Variants in RNASEL observed in about 807,000 individuals in gnomAD.
RNASEL encodes 2-5A-dependent ribonuclease.
A neutral mutation model predicts 50.9 loss-of-function variants in RNASEL; 36 were observed. That is an observed-to-expected ratio of 0.71 (90% CI 0.54 to 0.93). RNASEL has a LOEUF of 0.93. Among genes scored for constraint, RNASEL ranks in the 40% least tolerant of loss-of-function variants. RNASEL has a pLI of 0.00. For missense variants in RNASEL, 860 were observed against 894.5 expected (o/e 0.96, Z 0.49); for synonymous variants, 335 against 335.6 (o/e 1.00, Z 0.02).
In RNASEL at chr1:182,581,318, G is replaced by A. The variant is rs776652546; in HGVS notation, c.1812C>T (p.Asp604=). The A allele has an allele frequency of 9.9e-6, 16 of 1,613,912 alleles. No individual in the cohort carries two copies. The Admixed American group carries it at 2.5e-4, about 25-fold the overall frequency. ...RTLRNVGNES[D]IKTRKSESEI... ...CACTTTCAGATTTTCGTGTTTTGAT[G>A]TCGGATTCATTTCCCACATTCCGAA... The change falls in exon 5 of 7, where the codon GAC becomes GAT. Residue 604 remains aspartate, a synonymous_variant. Coordinates refer to ENST00000367559, the MANE Select transcript of RNASEL (RefSeq NM_021133.4).
At position 182,585,397 on chromosome 1, in the gene RNASEL, C is replaced by G. The variant is rs1310401690; in HGVS notation, c.1410G>C (p.Lys470Asn). 1 of 1,614,138 alleles carries G rather than the reference C, an allele frequency of 6.2e-7. No individual in the cohort carries two copies. ...FARNVLSSIF[K>N]AVQELHLSCG... ...AGGACAAGTGTAGTTCTTGAACAGC[C>G]TTAAATATAGATGACAGGACATTTC... Residue 470 changes from lysine (K) to asparagine (N), a missense_variant, in exon 2 of 7, where the codon AAG (lysine) becomes AAC (asparagine). Physicochemically the swap from Lys to Asn is moderately conservative, Grantham distance 94. Coordinates refer to ENST00000367559, the MANE Select transcript of RNASEL (RefSeq NM_021133.4).
chr1:182,586,060 C>A lies in RNASEL; in HGVS notation c.747G>T (p.Lys249Asn). ...GKTPLILAVE[K>N]KHLGLVQRLL... ...GCCTCTGCACCAAACCCAAGTGCTTCTTCTCCACTGCCAGGATCAGGGGAG... is the reference window on the plus strand; with the variant it reads ...GCCTCTGCACCAAACCCAAGTGCTTATTCTCCACTGCCAGGATCAGGGGAG... Residue 249 changes from lysine (K) to asparagine (N), a missense_variant, in exon 2 of 7, where the codon AAG becomes AAT. Lys to Asn is a moderately conservative substitution (Grantham distance 94). Transcript: ENST00000367559. 4 of 1,614,090 alleles carry A rather than the reference C, an allele frequency of 2.5e-6. No individual in the cohort carries two copies. Among genetic ancestry groups the A allele is most frequent in the South Asian group, 1.1e-5 (1 of 91,084 alleles).
chr1:182,585,819 G>A lies in RNASEL; in HGVS notation c.988C>T (p.His330Tyr), dbSNP rs2102370757. Residue 330 changes from histidine to tyrosine, a missense_variant, in exon 2 of 7, where the codon CAC (histidine) becomes TAC (tyrosine). His to Tyr is a moderately conservative substitution (Grantham distance 83). Coordinates refer to ENST00000367559, the MANE Select transcript of RNASEL (RefSeq NM_021133.4). The part of the protein sequence containing the change: ...LLSHGAKEDF[H>Y]PPAEDWKPQS... ...GGCTTCCAGTCTTCAGCAGGAGGGT[G>A]AAAATCTTCTTTGGCTCCATGAGAG... is the stretch of plus-strand genomic sequence containing the variant. The A allele has an allele frequency of 6.2e-7, 1 of 1,613,962 alleles. No homozygotes were observed. The highest frequency in any genetic ancestry group is 8.5e-7 in the Non-Finnish European group (1 of 1,179,968).
In RNASEL at chr1:182,586,299, T is replaced by C. The variant is rs748885927; in HGVS notation, c.508A>G (p.Thr170Ala). 1.2e-5 allele frequency: 20 copies of C among 1,614,084 alleles called. No individual in the cohort carries two copies. Among genetic ancestry groups the C allele is most frequent in the Admixed American group, 8.3e-5 (5 of 60,000 alleles). ...DQERLRKGGA[T>A]ALMDAAEKGH... ...TTTTCAGCAGCGTCCATGAGAGCTG[T>C]GGCCCCTCCTTTCCTCAGCCGCTCT... Residue 170 changes from threonine (T) to alanine (A), a missense_variant, in exon 2 of 7, where the codon ACA (threonine) becomes GCA (alanine). Transcript: ENST00000367559.
intron 3 of RNASEL, 52 bp downstream of exon 3, chr1:182,584,029 G>T (rs1661546592): frequency 2.2e-6 from 3 of 1,373,248 alleles, no homozygotes; most frequent in South Asian, 2.3e-5. Flanking sequence ...ACTACTACAT[G>T]AAAGAATAAG....
intron 1 of RNASEL, among the ~76,000 whole-genome samples, chr1:182,587,879 G>C (rs2102373691): frequency 6.6e-6 from 1 of 152,044 alleles, no homozygotes; most frequent in South Asian, 2.1e-4. Flanking sequence ...TGCAGTGGTG[G>C]AAAAGCAATA....
chr1:182,581,246 A>G lies in RNASEL; in HGVS notation c.1884T>C (p.Ser628=). The G allele has an allele frequency of 6.2e-7, 1 of 1,614,050 alleles. No individual in the cohort carries two copies. Among genetic ancestry groups the G allele is most frequent in the Non-Finnish European group, 8.5e-7 (1 of 1,180,006 alleles). ...LQPGPSEHSK[S]FDKWTTKINE... is the part of the protein sequence containing the mutation. ...ATACCTTAGTCGTCCACTTGTCAAA[A>G]CTTTTGGAATGTTCAGAAGGCCCAG... The change falls in exon 5 of 7, where the codon AGT becomes AGC. Residue 628 remains serine (S), a synonymous_variant. Coordinates refer to ENST00000367559, the MANE Select transcript of RNASEL (RefSeq NM_021133.4).
Position 182,578,663 on chromosome 1 carries a change from A to T in RNASEL, c.1906-2274T>A, listed in dbSNP as rs575526849. The T allele has an allele frequency of 2.6e-5, 4 of 152,344 alleles. 1 individual carries two copies. The South Asian group carries it at 8.3e-4, about 32-fold the overall frequency. 9.4% of individuals were successfully genotyped at this position (152,344 alleles called of 1,614,324 possible). ...GAGACAGGGTTTTGCCATGTTGGCC[A>T]GGCTGGTCTTAAACTCCTGACCTCA... On this transcript the variant is annotated intron_variant, in intron 5 of 6. Coordinates refer to ENST00000367559, the MANE Select transcript of RNASEL (RefSeq NM_021133.4).
rs1192636754 is a variant in RNASEL at position 182,575,399 on chromosome 1, C to T, written c.2219G>A (p.Gly740Glu). The T allele has an allele frequency of 6.2e-7, 1 of 1,613,918 alleles. No individual in the cohort carries two copies. The highest frequency in any genetic ancestry group is 8.5e-7 in the Non-Finnish European group (1 of 1,180,014). The change falls in exon 7 of 7, where the codon GGG becomes GAG. Residue 740 changes from glycine to glutamate, a missense_variant. By Grantham distance (98) the Gly-to-Glu change is moderately conservative. Coordinates refer to ENST00000367559, the MANE Select transcript of RNASEL (RefSeq NM_021133.4). ...CTCCAGCAAATCAGTCCATCAGCAC[C>T]CAGGGCTGGCCAACCCACTGGCCCC... is the stretch of plus-strand genomic sequence containing the variant. ...AGGASGLASP[G>E]C
At position 182,586,807 on chromosome 1, in the gene RNASEL, G is replaced by A; in HGVS notation, c.-1C>T. 1 of 1,614,060 alleles carries A rather than the reference G, an allele frequency of 6.2e-7. No individual in the cohort carries two copies. The highest frequency in any genetic ancestry group is 8.5e-7 in the Non-Finnish European group (1 of 1,180,038). On this transcript the variant is annotated 5_prime_UTR_variant, in exon 2 of 7. Coordinates refer to ENST00000367559, the MANE Select transcript of RNASEL (RefSeq NM_021133.4). Reference sequence around the variant, plus strand: ...GGTTGTTATGATCCCTGCTCTCCATGACGGTAAATGCCACCTGCTACCACT... The same window carrying A: ...GGTTGTTATGATCCCTGCTCTCCATAACGGTAAATGCCACCTGCTACCACT...
At chr1:182,581,568 A>G (rs1245525300) in intron 4 of RNASEL, among the ~76,000 whole-genome samples, 4 of 120,652 alleles carry the variant, frequency 3.3e-5, no homozygotes, top group Non-Finnish European at 6.3e-5. Context: ...TGCAACCTCC[A>G]CCTCCCGGGT....
chr1:182,577,934 G>A (rs1661421061), intron 5 of RNASEL, among the ~76,000 whole-genome samples: 1 of 152,182 alleles, frequency 6.6e-6, no homozygotes, highest in African/African-American at 2.4e-5. Flanking sequence ...ACTGCCATAT[G>A]TAGAAGATTA....
chr1:182,583,653 C>G (rs1661540444), intron 3 of RNASEL, among the ~76,000 whole-genome samples: 1 of 152,148 alleles, frequency 6.6e-6, no homozygotes, highest in Non-Finnish European at 1.5e-5. Context: ...TAAAATAAAG[C>G]AGGCAGAAAA....
rs1025159451 is a variant in RNASEL at position 182,575,012 on chromosome 1, C to T, written c.*380G>A. The T allele has an allele frequency of 2.9e-5, 10 of 345,042 alleles. No individual in the cohort carries two copies. Among genetic ancestry groups the T allele is most frequent in the Non-Finnish European group, 4.8e-5 (9 of 185,776 alleles). The allele number at this position is 345,042 out of a possible 1,614,324, so 21.4% of individuals were successfully genotyped here. A position where few individuals can be genotyped will look rare whatever the true frequency, so the allele number is the denominator to read the frequency against. ...AATAATCTTGGGCCAGTAGCTCACA[C>T]TCTCTGAGTCTCAGGTTCCTCAGTT... On this transcript the variant is annotated 3_prime_UTR_variant, in exon 7 of 7. Transcript: ENST00000367559.
intron 1 of RNASEL, among the ~76,000 whole-genome samples, chr1:182,588,349 C>T (rs900103709): frequency 2.6e-5 from 4 of 152,148 alleles, no homozygotes; most frequent in African/African-American, 4.8e-5. Context: ...GTGTAAAGTA[C>T]ATTAAAGTAT....
chr1:182,578,474 A>T (rs1447743717), intron 5 of RNASEL: 1 of 152,228 alleles, frequency 6.6e-6, no homozygotes, highest in African/African-American at 2.4e-5. Flanking sequence ...AAAAAGTAAC[A>T]GATGTTGATG....
At chr1:182,588,095 A>G (rs1407956495) in intron 1 of RNASEL, among the ~76,000 whole-genome samples, 1 of 152,210 alleles carries the variant, frequency 6.6e-6, no homozygotes, top group Non-Finnish European at 1.5e-5. Context: ...TCAGTAGATT[A>G]GGTGTATTAA....
Position 182,585,997 on chromosome 1 carries a change from GTC to G in RNASEL, c.808_809del (p.Asp270GlnfsTer2). 6.2e-7 allele frequency: 1 copy of G among 1,614,074 alleles called. No homozygotes were observed. The highest frequency in any genetic ancestry group is 8.5e-7 in the Non-Finnish European group (1 of 1,180,022). On this transcript the variant is annotated frameshift_variant, in exon 2 of 7. Transcript: ENST00000367559. LOFTEE classifies it high-confidence loss of function. ...EQEHIEINDTDSDGKTALLLA... is the reference protein window; with the variant it reads ...EQEHIEINDTXSDGKTALLLA... ...GCAGCAGTGCTGTTTTGCCATCACT[GTC>G]TGTGTCATTAATCTCTATGTGCTCT...
At chr1:182,578,410 C>A (rs1241894802) in intron 5 of RNASEL, 3 of 152,060 alleles carry the variant, frequency 2.0e-5, no homozygotes, top group African/African-American at 7.2e-5. Context: ...CAGAGAAATG[C>A]AAATTAAAAC....
Sources: allele counts gnomAD v4.1 joint callset (sites outside exome capture counted in the v4.1 genomes callset), GRCh38; gene constraint gnomAD v4.1.1; transcripts MANE v1.5; gene names NCBI Gene and HGNC (gene_info 2026-07-23, HGNC 2026-07-21).